COLGALT2: variants seen among roughly 807,000 people sequenced by gnomAD.
The protein encoded by COLGALT2 is procollagen galactosyltransferase 2.
COLGALT2 carries 49 observed loss-of-function variants against 73.4 expected under a neutral mutation model. The ratio of observed to expected loss-of-function variants is 0.67; its 90% CI spans 0.53 to 0.85. The LOEUF (loss-of-function observed/expected upper bound fraction) is 0.85. Among genes scored for constraint, COLGALT2 ranks in the 40% least tolerant of loss-of-function variants. The probability of loss-of-function intolerance (pLI) is 0.00; values close to 1 mark genes in which losing one functional copy is unlikely to be tolerated. For missense variants in COLGALT2, 722 were observed against 790.2 expected, an observed-to-expected ratio of 0.91 and a Z score of 1.03; for synonymous variants, 295 against 307.6, an observed-to-expected ratio of 0.96 and a Z score of 0.43.
At chr1:183,965,259 ATAT>A (rs2102808912) in intron 5 of COLGALT2, among the ~76,000 whole-genome samples, 1 of 152,306 alleles carries the variant, frequency 6.6e-6, no homozygotes, top group African/African-American at 2.4e-5. Flanking sequence ...AAGGAAAAAT[ATAT>A]TAAAGTTGCA....
chr1:183,984,619 T>C (rs1012294901), intron 1 of COLGALT2, among the ~76,000 whole-genome samples: 1 of 152,194 alleles, frequency 6.6e-6, no homozygotes. Flanking sequence ...TCTCTGTCCA[T>C]GAGTCCTGGC....
At chr1:184,002,571 C>A (rs961229605) in intron 1 of COLGALT2, among the ~76,000 whole-genome samples, 2 of 152,210 alleles carry the variant, frequency 1.3e-5, no homozygotes, top group African/African-American at 4.8e-5. Context: ...ATACACAATT[C>A]AGATACCACA....
At position 183,941,471 on chromosome 1, in the gene COLGALT2, C is replaced by T. The variant is rs576915352; in HGVS notation, c.1398-684G>A. On this transcript the variant is annotated intron_variant, in intron 10 of 11. Transcript: ENST00000361927. ...ACAACTTCTACAACACAGGATGCAC[C>T]TTTGGCCACTCCCATCTTCCCTAGT... Among the ~76,000 whole-genome samples the T allele has an allele frequency of 1.8e-3, 279 of 152,332 alleles. 2 individuals carry two copies. The highest frequency in any genetic ancestry group is 6.4e-3 in the African/African-American group (264 of 41,560).
chr1:183,949,188 A>G (rs1234432162), intron 8 of COLGALT2, among the ~76,000 whole-genome samples: 1 of 152,212 alleles, frequency 6.6e-6, no homozygotes, highest in African/African-American at 2.4e-5. Flanking sequence ...TGCAATTCCT[A>G]TCAAAATCCC....
intron 1 of COLGALT2, among the ~76,000 whole-genome samples, chr1:183,997,341 A>C (rs997823867): frequency 6.6e-6 from 1 of 152,164 alleles, no homozygotes; most frequent in Non-Finnish European, 1.5e-5. Flanking sequence ...TGTACATACC[A>C]CCTAGCTTAA....
chr1:183,957,414 T>G (rs1220288622), intron 6 of COLGALT2, among the ~76,000 whole-genome samples: 1 of 152,132 alleles, frequency 6.6e-6, no homozygotes, highest in East Asian at 1.9e-4. Flanking sequence ...ACCAGGCAAC[T>G]GGGCTGGGTC....
intron 1 of COLGALT2, among the ~76,000 whole-genome samples, chr1:184,023,828 A>T (rs1649249949): frequency 6.6e-6 from 1 of 152,182 alleles, no homozygotes. Context: ...ATCTCCTCTG[A>T]CATAGTTCTG....
intron 1 of COLGALT2, among the ~76,000 whole-genome samples, 179 bp downstream of exon 1, chr1:184,036,916 C>T (rs956679155): frequency 6.6e-6 from 1 of 152,126 alleles, no homozygotes; most frequent in Non-Finnish European, 1.5e-5. Flanking sequence ...GCAGCCTGAC[C>T]GCCCGATCCG....
intron 6 of COLGALT2, among the ~76,000 whole-genome samples, chr1:183,960,722 C>G (rs1156562630): frequency 6.6e-6 from 1 of 152,190 alleles, no homozygotes; most frequent in African/African-American, 2.4e-5. Flanking sequence ...TGACCCAATA[C>G]AAATTTGTAA....
At chr1:183,949,196 C>G (rs746658364) in intron 8 of COLGALT2, among the ~76,000 whole-genome samples, 1 of 152,134 alleles carries the variant, frequency 6.6e-6, no homozygotes, top group East Asian at 1.9e-4. Flanking sequence ...CTATCAAAAT[C>G]CCAGCTGCCG....
At chr1:183,991,230 A>G (rs1222696325) in intron 1 of COLGALT2, among the ~76,000 whole-genome samples, 1 of 152,244 alleles carries the variant, frequency 6.6e-6, no homozygotes, top group African/African-American at 2.4e-5. Flanking sequence ...AAATGCTTGT[A>G]TAAATCAATG....
intron 1 of COLGALT2, among the ~76,000 whole-genome samples, chr1:184,017,927 A>C (rs184588582): frequency 1.3e-5 from 2 of 152,310 alleles, no homozygotes; most frequent in East Asian, 3.9e-4. Flanking sequence ...GAATGAGTTA[A>C]TTCATGGGAA....
intron 1 of COLGALT2, among the ~76,000 whole-genome samples, chr1:183,988,416 G>A (rs1671544033): frequency 6.6e-6 from 1 of 152,108 alleles, no homozygotes; most frequent in Non-Finnish European, 1.5e-5. Flanking sequence ...GTGGTTTTTA[G>A]TTGTGCAACC....
intron 6 of COLGALT2, among the ~76,000 whole-genome samples, chr1:183,961,050 C>T (rs957394009): frequency 1.2e-4 from 19 of 152,166 alleles, no homozygotes; most frequent in Admixed American, 1.1e-3. Flanking sequence ...CAATCTTACA[C>T]GGACTTCTAG....
intron 4 of COLGALT2, 142 bp from the exon 5 acceptor site, chr1:183,969,615 T>C (rs899791755): frequency 1.5e-5 from 9 of 590,762 alleles, no homozygotes; most frequent in Non-Finnish European, 2.3e-5. Context: ...CCTCTTATCA[T>C]GGCCTATGAA....
chr1:183,946,555 T>C (rs755313855), intron 8 of COLGALT2: 14 of 152,354 alleles, frequency 9.2e-5, no homozygotes, highest in Non-Finnish European at 1.8e-4. Flanking sequence ...AACCATGTGG[T>C]ATCTATAAGA....
intron 1 of COLGALT2, among the ~76,000 whole-genome samples, chr1:184,024,261 C>T (rs1360571456): frequency 6.6e-6 from 1 of 151,910 alleles, no homozygotes; most frequent in Admixed American, 6.6e-5. Context: ...ATGACATAGA[C>T]AATGCAAAAG....
intron 7 of COLGALT2, among the ~76,000 whole-genome samples, chr1:183,953,362 A>T (rs560902363): frequency 3.3e-5 from 5 of 152,280 alleles, no homozygotes; most frequent in Non-Finnish European, 5.9e-5. Context: ...CACTTCATGG[A>T]GTTGGCCTTC....
chr1:183,969,198 T>A, intron 5 of COLGALT2, 71 bp downstream of exon 5: 1 of 1,279,214 alleles, frequency 7.8e-7, no homozygotes, highest in Non-Finnish European at 1.1e-6. Context: ...TTTAATAAAA[T>A]GCACAAAACA....
Sources: gnomAD v4.1 joint callset for allele counts (sites outside exome capture counted in the v4.1 genomes callset) on GRCh38, gnomAD v4.1.1 for gene constraint, MANE v1.5 for transcripts, NCBI Gene and HGNC (gene_info 2026-07-23, HGNC 2026-07-21) for gene names.